MMD: variants seen among roughly 807,000 people sequenced by gnomAD.
The protein encoded by MMD is monocyte to macrophage differentiation associated.
In MMD, 22 loss-of-function variants were observed where a neutral mutation model predicts 33.6. The ratio of observed to expected loss-of-function variants is 0.66; its 90% confidence interval spans 0.47 to 0.94. MMD has a LOEUF of 0.94. Ranked by LOEUF, MMD falls within the 40% of genes least tolerant of loss-of-function variation. The probability of loss-of-function intolerance (pLI) is 0.00; values close to 1 mark genes in which losing one functional copy is unlikely to be tolerated. For missense variants in MMD, 242 were observed against 309.8 expected (o/e 0.78, Z 1.64); for synonymous variants, 97 against 103.2 (o/e 0.94, Z 0.36).
At chr17:55,405,532 A>G (rs1318092287) in intron 4 of MMD, among the ~76,000 whole-genome samples, 1 of 152,200 alleles carries the variant, frequency 6.6e-6, no homozygotes, top group Non-Finnish European at 1.5e-5. Context: ...TTAACTCCTC[A>G]GCTCACATTT....
intron 6 of MMD, among the ~76,000 whole-genome samples, chr17:55,396,539 G>C (rs752277148): frequency 6.6e-6 from 1 of 151,996 alleles, no homozygotes; most frequent in African/African-American, 2.4e-5. Context: ...ATAACTTTGG[G>C]ATTCCATTTT....
chr17:55,400,577 A>G (rs1043589062), intron 6 of MMD, among the ~76,000 whole-genome samples: 13 of 150,160 alleles, frequency 8.7e-5, no homozygotes, highest in Non-Finnish European at 1.6e-4. Flanking sequence ...AAAGGTTCTT[A>G]CAATGTGCCT....
At chr17:55,415,786 TG>T (rs1907947625) in intron 1 of MMD, among the ~76,000 whole-genome samples, 2 of 152,340 alleles carry the variant, frequency 1.3e-5, no homozygotes, top group South Asian at 2.1e-4. Flanking sequence ...GTACAAAATA[TG>T]TACTTACTGA....
chr17:55,397,652 A>G lies in MMD; in HGVS notation c.517-3118T>C, dbSNP rs1002557177. Among the ~76,000 whole-genome samples the G allele has an allele frequency of 3.3e-5, 5 of 151,854 alleles. No individual in the cohort carries two copies. In the East Asian group the frequency reaches 9.7e-4, roughly 29 times the overall value. On this transcript the variant is annotated intron_variant, in intron 6 of 6. Coordinates refer to ENST00000262065, the MANE Select transcript of MMD (RefSeq NM_012329.3). ...TGGGTTCAGGCGATTTTCCTGCCTC[A>G]GCCTCAGCCTCTCGAGTAGCTGGGA... is the stretch of plus-strand genomic sequence containing the variant.
Position 55,421,797 on chromosome 17 carries a change from C to T in MMD, c.-102G>A. ...CTTGGGCTGCTCCGGAGGCCGCCTG[C>T]GTGTCCAGCGGAACCCTTCGGCCGG... On this transcript the variant is annotated 5_prime_UTR_variant, in exon 1 of 7. Coordinates refer to ENST00000262065, the MANE Select transcript of MMD (RefSeq NM_012329.3). 8.0e-7 allele frequency: 1 copy of T among 1,242,892 alleles called. No homozygotes were observed. The highest frequency in any genetic ancestry group is 2.3e-4 in the Middle Eastern group (1 of 4,382). 77.0% of individuals were successfully genotyped at this position (1,242,892 alleles called of 1,614,324 possible).
At chr17:55,404,394 G>T in intron 4 of MMD, 2 of 845,672 alleles carry the variant, frequency 2.4e-6, no homozygotes, top group Non-Finnish European at 2.8e-6. Context: ...TTTAAAAATA[G>T]AACCAGCTAA....
At chr17:55,395,063 T>C (rs1907049550) in intron 6 of MMD, among the ~76,000 whole-genome samples, 1 of 152,246 alleles carries the variant, frequency 6.6e-6, no homozygotes, top group Non-Finnish European at 1.5e-5. Flanking sequence ...AGGAAAACCG[T>C]AACTAGAAGT....
intron 6 of MMD, among the ~76,000 whole-genome samples, chr17:55,399,021 C>T (rs762569102): frequency 5.9e-5 from 9 of 152,214 alleles, no homozygotes; most frequent in Non-Finnish European, 1.3e-4. Context: ...CCTCCCTGAG[C>T]GGCTTCCTCC....
chr17:55,421,770 G>T lies in MMD; in HGVS notation c.-75C>A. The stretch of plus-strand genomic sequence containing the variant: ...GGCGGCCGGGCGCGCGGCCCTCATG[G>T]GCTTGGGCTGCTCCGGAGGCCGCCT... On this transcript the variant is annotated 5_prime_UTR_variant, in exon 1 of 7. Coordinates refer to ENST00000262065, the MANE Select transcript of MMD (RefSeq NM_012329.3). 2 of 1,501,190 alleles carry T rather than the reference G, an allele frequency of 1.3e-6. No homozygotes were observed. The highest frequency in any genetic ancestry group is 2.5e-5 in the South Asian group (2 of 79,446). 93.0% of individuals were successfully genotyped at this position (1,501,190 alleles called of 1,614,324 possible). A position where few individuals can be genotyped will look rare whatever the true frequency, so the allele number is the denominator to read the frequency against.
chr17:55,403,704 C>T (rs1907434570), intron 5 of MMD, 63 bp downstream of exon 5: 3 of 1,116,400 alleles, frequency 2.7e-6, no homozygotes, highest in East Asian at 2.4e-5. Context: ...AATTGTATTG[C>T]AGTGCAGATA....
chr17:55,407,299 A>T (rs375212642), intron 4 of MMD, among the ~76,000 whole-genome samples: 2,050 of 142,644 alleles, frequency 0.014, 51 homozygotes, highest in African/African-American at 0.052. Flanking sequence ...ACTCCATCTC[A>T]AAATAAATAA....
intron 2 of MMD, among the ~76,000 whole-genome samples, chr17:55,413,468 C>T (rs1353730764): frequency 6.6e-6 from 1 of 152,030 alleles, no homozygotes; most frequent in Non-Finnish European, 1.5e-5. Flanking sequence ...CACACATATA[C>T]ACACACACAT....
chr17:55,411,218 C>T lies in MMD; in HGVS notation c.269+39G>A, dbSNP rs570489461. ...AAGGGTACCAAACACGTTGAGTCAA[C>T]TATTTGGATCTGTTGAAACAGCATG... On this transcript the variant is annotated intron_variant, in intron 3 of 6. Coordinates refer to ENST00000262065, the MANE Select transcript of MMD (RefSeq NM_012329.3). 14 of 1,582,578 alleles carry T rather than the reference C, an allele frequency of 8.8e-6. No homozygotes were observed. The South Asian group carries it at 1.4e-4, about 16-fold the overall frequency.
intron 6 of MMD, among the ~76,000 whole-genome samples, chr17:55,397,523 AT>A (rs749416128): frequency 2.4e-4 from 35 of 148,096 alleles, no homozygotes; most frequent in African/African-American, 6.5e-4. Flanking sequence ...TTATTTATTT[AT>A]TTTATTTTAT....
intron 1 of MMD, among the ~76,000 whole-genome samples, chr17:55,415,762 G>A (rs898707697): frequency 6.6e-6 from 1 of 152,224 alleles, no homozygotes; most frequent in Non-Finnish European, 1.5e-5. Flanking sequence ...GATGGGTTAA[G>A]ATATTTAACT....
chr17:55,406,328 A>G (rs983890490), intron 4 of MMD, among the ~76,000 whole-genome samples: 1 of 152,118 alleles, frequency 6.6e-6, no homozygotes, highest in Non-Finnish European at 1.5e-5. Flanking sequence ...TGGGAGGCAG[A>G]GGTTGCAGTG....
rs9902276 is a variant in MMD at position 55,415,400 on chromosome 17, A to C, written c.27-1168T>G. ...ATAATCCTTTTGCTCAAGCTAGTTT[A>C]AAGAAGTGTGAATGGGGGTTGGGGG... On this transcript the variant is annotated intron_variant, in intron 1 of 6. Transcript: ENST00000262065. Among the ~76,000 whole-genome samples the C allele has an allele frequency of 8.5e-4, 129 of 152,302 alleles. 1 individual carries two copies. The highest frequency in any genetic ancestry group is 2.7e-3 in the African/African-American group (114 of 41,568).
Position 55,414,244 on chromosome 17 carries a change from A to G in MMD, c.27-12T>C, listed in dbSNP as rs1480289753. ...GATGGTTCATGAACCTGTAAAAACAAAAAGAACACATGTAAGAAAAACTCA... is the reference window on the plus strand; with the variant it reads ...GATGGTTCATGAACCTGTAAAAACAGAAAGAACACATGTAAGAAAAACTCA... On this transcript the variant is annotated splice_polypyrimidine_tract_variant and intron_variant, in intron 1 of 6. Transcript: ENST00000262065. 1.9e-6 allele frequency: 3 copies of G among 1,613,220 alleles called. No individual in the cohort carries two copies. Among genetic ancestry groups the G allele is most frequent in the Non-Finnish European group, 8.5e-7 (1 of 1,179,324 alleles).
intron 6 of MMD, among the ~76,000 whole-genome samples, chr17:55,398,503 A>G (rs939660293): frequency 3.3e-5 from 5 of 151,466 alleles, no homozygotes; most frequent in South Asian, 2.1e-4. Flanking sequence ...GTCACTTTCC[A>G]GTTTCTTGCC....
Sources: allele counts gnomAD v4.1 joint callset (sites outside exome capture counted in the v4.1 genomes callset), GRCh38; gene constraint gnomAD v4.1.1; transcripts MANE v1.5; gene names NCBI Gene and HGNC (gene_info 2026-07-23, HGNC 2026-07-21).